The following IRAG2 variants were observed in gnomAD, a reference collection of about 807,000 sequenced individuals.
The protein encoded by IRAG2 is lymphoid restricted membrane protein.
A neutral mutation model predicts 69.9 loss-of-function variants in IRAG2; 45 were observed. That is an observed-to-expected ratio of 0.64 (90% CI 0.51 to 0.83). IRAG2 has a LOEUF of 0.83. Ranked by LOEUF, IRAG2 falls within the 40% of genes least tolerant of loss-of-function variation. The pLI is 0.00. For missense variants in IRAG2, 520 were observed against 587.0 expected, an observed-to-expected ratio of 0.89 and a Z score of 1.18; for synonymous variants, 193 against 202.4, an observed-to-expected ratio of 0.95 and a Z score of 0.40.
intron 10 of IRAG2, among the ~76,000 whole-genome samples, chr12:25,083,752 A>G (rs1169630581): frequency 6.6e-6 from 1 of 152,172 alleles, no homozygotes; most frequent in African/African-American, 2.4e-5. Context: ...TCATTTGCTC[A>G]CTCATTTATT....
intron 20 of IRAG2, among the ~76,000 whole-genome samples, chr12:25,104,712 G>A (rs866873364): frequency 6.6e-6 from 1 of 152,134 alleles, no homozygotes; most frequent in Non-Finnish European, 1.5e-5. Context: ...TGCCATATTT[G>A]TGAAGATAAT....
chr12:25,042,506 G>T (rs930934302), intron 16 of IRAG2, among the ~76,000 whole-genome samples: 1 of 151,742 alleles, frequency 6.6e-6, no homozygotes, highest in Non-Finnish European at 1.5e-5. Context: ...TCGCTCTGTC[G>T]CCAGGGTGGA....
chr12:25,011,889 C>T (rs1434574912), intron 3 of IRAG2, among the ~76,000 whole-genome samples: 3 of 151,966 alleles, frequency 2.0e-5, no homozygotes, highest in African/African-American at 4.8e-5. Context: ...AGCTGACATA[C>T]GAGTCAGGTG....
intron 1 of IRAG2, among the ~76,000 whole-genome samples, chr12:25,056,698 G>A (rs1045919410): frequency 1.3e-5 from 2 of 152,178 alleles, no homozygotes; most frequent in Admixed American, 1.3e-4. Context: ...ATGGGGAAAT[G>A]CTGTGGTTAT....
chr12:25,084,801 G>A (rs966492997), intron 10 of IRAG2, among the ~76,000 whole-genome samples: 1 of 152,194 alleles, frequency 6.6e-6, no homozygotes, highest in African/African-American at 2.4e-5. Flanking sequence ...ATCCAGAGGC[G>A]ATTGATTCCA....
At chr12:25,002,615 G>A (rs972732294), upstream of IRAG2, among the ~76,000 whole-genome samples, 33 of 151,302 alleles carry the variant, frequency 2.2e-4, no homozygotes, top group South Asian at 2.1e-4. Flanking sequence ...TAGACTTCAC[G>A]TTGAGAGATC....
intron 5 of IRAG2, chr12:25,017,032 C>T (rs1462076715): frequency 2.5e-6 from 2 of 803,458 alleles, no homozygotes; most frequent in Non-Finnish European, 3.3e-6. Flanking sequence ...AAAAAAAAAA[C>T]TCACCAGAAT....
intron 13 of IRAG2, 63 bp downstream of exon 13, chr12:25,089,853 A>C: frequency 1.3e-6 from 2 of 1,538,698 alleles, no homozygotes; most frequent in South Asian, 2.2e-5. Context: ...TGCTACAGTC[A>C]CTTCATGTTT....
Position 25,052,803 on chromosome 12 carries a change from C to T in IRAG2, c.-600C>T, listed in dbSNP as rs537436570. On this transcript the variant is annotated 5_prime_UTR_variant, in exon 1 of 22. Transcript: ENST00000556887. ...AACTATCCATGTCCAGGGTAAGGAT[C>T]GAGATCGAGAAGCCCACACTGCCAG... is the stretch of plus-strand genomic sequence containing the variant. 3 of 398,594 alleles carry T rather than the reference C, an allele frequency of 7.5e-6. No individual in the cohort carries two copies. The highest frequency in any genetic ancestry group is 1.3e-4 in the South Asian group (1 of 7,852). The allele number at this position is 398,594 out of a possible 1,614,324, so 24.7% of individuals were successfully genotyped here.
chr12:25,028,188 G>A (rs1272397271), intron 9 of IRAG2, among the ~76,000 whole-genome samples: 1 of 152,174 alleles, frequency 6.6e-6, no homozygotes, highest in East Asian at 1.9e-4. Flanking sequence ...GCCTCCCAAA[G>A]TGTTGGGATT....
In IRAG2 at chr12:25,007,248, C is replaced by T. The variant is rs7965972; in HGVS notation, c.688+1894C>T. On this transcript the variant is annotated intron_variant, in intron 2 of 38. Transcript: ENST00000636465. ...TATTTCATCCACAAATATTTCAGTA[C>T]ATATTTCTAAAAGATAATTGACTAA... 7.3e-3 allele frequency among the ~76,000 whole-genome samples: 1,112 copies of T among 152,296 alleles called. 15 individuals are homozygous for T. Among genetic ancestry groups the T allele is most frequent in the African/African-American group, 0.026 (1,070 of 41,542 alleles).
intron 6 of IRAG2, chr12:25,076,785 T>TAAGA: frequency 1.5e-5 from 3 of 205,238 alleles, no homozygotes; most frequent in Non-Finnish European, 2.6e-5. Context: ...AATCAATTCT[T>TAAGA]ATTGATTTTT....
chr12:25,072,059 G>A (rs997620421), intron 6 of IRAG2, among the ~76,000 whole-genome samples: 8 of 152,018 alleles, frequency 5.3e-5, no homozygotes, highest in African/African-American at 1.4e-4. Context: ...ACAAAAATTA[G>A]CCAGGCATGG....
chr12:25,026,891 A>T (rs554705487), intron 9 of IRAG2: 1 of 1,138,934 alleles, frequency 8.8e-7, no homozygotes, highest in Non-Finnish European at 1.1e-6. Context: ...AATACTGGTA[A>T]AATATTTTTT....
intron 21 of IRAG2, 85 bp from the exon 22 acceptor site, chr12:25,107,732 A>C: frequency 7.4e-7 from 1 of 1,352,776 alleles, no homozygotes. Context: ...TGAAGGGCAG[A>C]TCACCTGACT....
In IRAG2 at chr12:25,055,647, G is replaced by A. The variant is rs145429235; in HGVS notation, c.-447+2691G>A. On this transcript the variant is annotated intron_variant, in intron 1 of 21. Transcript: ENST00000556887. ...CAGGCCCCAGTGTGTGATGTTCCCC[G>A]TCCTGTGTCCAAGTGTTCTCATTGT... Among the ~76,000 whole-genome samples the A allele has an allele frequency of 2.2e-3, 330 of 152,134 alleles. 1 individual carries two copies. The highest frequency in any genetic ancestry group is 3.9e-3 in the Non-Finnish European group (265 of 67,980).
chr12:25,090,418 G>T (rs898429881), intron 14 of IRAG2, among the ~76,000 whole-genome samples: 5 of 151,098 alleles, frequency 3.3e-5, no homozygotes, highest in Non-Finnish European at 7.4e-5. Context: ...GATGATGTGT[G>T]CCTGTAGTCC....
At chr12:25,042,680 T>A (rs1438188795) in intron 16 of IRAG2, among the ~76,000 whole-genome samples, 1 of 152,064 alleles carries the variant, frequency 6.6e-6, no homozygotes, top group Non-Finnish European at 1.5e-5. Context: ...TTGGCCAGGA[T>A]GGTCTCGATC....
chr12:25,076,532 A>T, intron 6 of IRAG2: 2 of 985,016 alleles, frequency 2.0e-6, no homozygotes, highest in Non-Finnish European at 2.4e-6. Context: ...GGTTTGCAGA[A>T]ATGATGTACT....
Sources: allele counts gnomAD v4.1 joint callset (sites outside exome capture counted in the v4.1 genomes callset), GRCh38; gene constraint gnomAD v4.1.1; transcripts MANE v1.5; gene names NCBI Gene and HGNC (gene_info 2026-07-23, HGNC 2026-07-21).